TFAP2E: variants seen among roughly 807,000 people sequenced by gnomAD.
TFAP2E encodes transcription factor AP-2-epsilon.
Under a neutral mutation model 37.9 loss-of-function variants are expected in TFAP2E, and 30 were observed. The observed-to-expected ratio is 0.79, with a 90% CI of 0.59 to 1.07. The LOEUF is 1.07. TFAP2E is among the 50% of genes least tolerant of loss of function. The pLI is 0.00. For missense variants in TFAP2E, 567 were observed against 637.9 expected (o/e 0.89, Z 1.20); for synonymous variants, 318 against 295.8 (o/e 1.08, Z -0.77).
At position 35,594,747 on chromosome 1, in the gene TFAP2E, C is replaced by G; in HGVS notation, c.*71C>G. 2 of 1,593,452 alleles carry G rather than the reference C, an allele frequency of 1.3e-6. No individual in the cohort carries two copies. The highest frequency in any genetic ancestry group is 8.5e-7 in the Non-Finnish European group (1 of 1,173,384). Reference sequence around the variant, plus strand: ...AGGGACTTAGCTCTTGGGGGTGGGCCTGGAAGGACTGAAAGGTGGGATTAG... The same window carrying G: ...AGGGACTTAGCTCTTGGGGGTGGGCGTGGAAGGACTGAAAGGTGGGATTAG... On this transcript the variant is annotated 3_prime_UTR_variant, in exon 7 of 7. Transcript: ENST00000373235.
In TFAP2E at chr1:35,588,400, C is replaced by A. The variant is rs147848123; in HGVS notation, c.633C>A (p.Ile211=). ...SLAKDSLVGG[I]TNPGEVFCSV... ...CCAAAGACAGCCTGGTGGGCGGCAT[C>A]ACAAATCCTGGTGAGGTCTTCTGCT... Residue 211 remains isoleucine, a synonymous_variant, in exon 4 of 7, where the codon ATC becomes ATA. Coordinates refer to ENST00000373235, the MANE Select transcript of TFAP2E (RefSeq NM_178548.4). This position sits in a 1 kb window ranked among gnomAD's most constrained non-coding sequence, Gnocchi z 5.1. The A allele has an allele frequency of 3.1e-6, 5 of 1,613,244 alleles. No individual in the cohort carries two copies. The African/African-American group carries it at 6.7e-5, about 22-fold the overall frequency.
At chr1:35,589,188 C>CTGTGTGTGTG (rs757213879) in intron 4 of TFAP2E, among the ~76,000 whole-genome samples, 10 of 125,936 alleles carry the variant, frequency 7.9e-5, no homozygotes, top group East Asian at 2.3e-4. Context: ...GTGTCCTGCT[C>CTGTGTGTGTG]TGTGTGTGTG....
In TFAP2E at chr1:35,588,607, C is replaced by A; in HGVS notation, c.785+55C>A. 7 of 1,494,432 alleles carry A rather than the reference C, an allele frequency of 4.7e-6. No homozygotes were observed. Among genetic ancestry groups the A allele is most frequent in the Non-Finnish European group, 6.3e-6 (7 of 1,114,390 alleles). The allele number at this position is 1,494,432 out of a possible 1,614,324, so 92.6% of individuals were successfully genotyped here. ...TGATTGGATCCCTGGCCTCTTCAGG[C>A]CTTCTCAAGGCATCAGAGAGGAGGC... On this transcript the variant is annotated intron_variant, in intron 4 of 6. Coordinates refer to ENST00000373235, the MANE Select transcript of TFAP2E (RefSeq NM_178548.4). This position sits in a 1 kb window ranked among gnomAD's most constrained non-coding sequence, Gnocchi z 5.1.
chr1:35,579,120 G>T (rs534238032), intron 3 of TFAP2E, among the ~76,000 whole-genome samples: 2 of 146,646 alleles, frequency 1.4e-5, no homozygotes, highest in South Asian at 4.4e-4. Context: ...GAGGCCGGGC[G>T]GCGGTGGCTC....
Position 35,577,178 on chromosome 1 carries a change from G to A in TFAP2E, c.562+2178G>A. 2.8e-6 allele frequency: 1 copy of A among 354,016 alleles called. No homozygotes were observed. The highest frequency in any genetic ancestry group is 5.6e-6 in the Non-Finnish European group (1 of 177,776). The allele number at this position is 354,016 out of a possible 1,614,324, so 21.9% of individuals were successfully genotyped here. A position where few individuals can be genotyped will look rare whatever the true frequency, so the allele number is the denominator to read the frequency against. ...GCAAAGGGGAAGGGGCAGGAGCCGGGCACAGTTGGATCCGGAGGTCGTGAC... is the reference window on the plus strand; with the variant it reads ...GCAAAGGGGAAGGGGCAGGAGCCGGACACAGTTGGATCCGGAGGTCGTGAC... On this transcript the variant is annotated intron_variant, in intron 3 of 6. Transcript: ENST00000373235. The surrounding 1 kb of genome is among the most constrained non-coding windows in gnomAD (Gnocchi z 6.3).
chr1:35,579,660 G>A (rs903990262), intron 3 of TFAP2E, among the ~76,000 whole-genome samples: 2 of 152,030 alleles, frequency 1.3e-5, no homozygotes, highest in Admixed American at 6.5e-5. Context: ...CACCCAAAGT[G>A]CTGGGATTAC....
chr1:35,594,673 A>G lies in TFAP2E; in HGVS notation c.1326A>G (p.Lys442=), dbSNP rs2148556049. ...CGGAGAAGGATGCCAAGCATCGGAAATAACTGCTTCTCCCACCCCATCCCT... is the reference window on the plus strand; with the variant it reads ...CGGAGAAGGATGCCAAGCATCGGAAGTAACTGCTTCTCCCACCCCATCCCT... ...KASEKDAKHR[K] Residue 442 remains lysine, a synonymous_variant, in exon 7 of 7, where the codon AAA becomes AAG. Coordinates refer to ENST00000373235, the MANE Select transcript of TFAP2E (RefSeq NM_178548.4). The G allele has an allele frequency of 1.2e-6, 2 of 1,613,824 alleles. No individual in the cohort carries two copies. Among genetic ancestry groups the G allele is most frequent in the Non-Finnish European group, 1.7e-6 (2 of 1,180,040 alleles).
rs201429244 is a variant in TFAP2E at position 35,594,710 on chromosome 1, A to G, written c.*34A>G. On this transcript the variant is annotated 3_prime_UTR_variant, in exon 7 of 7. Transcript: ENST00000373235. ...CCCACCCCATCCCTAAGGGGCTCCC[A>G]GGCCCTGAAATAGGGACTTAGCTCT... 12 of 1,611,942 alleles carry G rather than the reference A, an allele frequency of 7.4e-6. No individual in the cohort carries two copies. The African/African-American group carries it at 1.6e-4, about 22-fold the overall frequency.
intron 3 of TFAP2E, among the ~76,000 whole-genome samples, chr1:35,578,759 C>T (rs993500368): frequency 1.3e-5 from 2 of 152,088 alleles, no homozygotes; most frequent in Non-Finnish European, 2.9e-5. Flanking sequence ...ATACTGACTT[C>T]TGGGACAGAA....
intron 3 of TFAP2E, among the ~76,000 whole-genome samples, chr1:35,587,100 A>G (rs899713884): frequency 6.6e-6 from 1 of 152,218 alleles, no homozygotes; most frequent in Admixed American, 6.5e-5. Flanking sequence ...GGGAGCACAC[A>G]GCAGTGAGTG....
chr1:35,581,772 A>G (rs552835707), intron 3 of TFAP2E, among the ~76,000 whole-genome samples: 35 of 151,952 alleles, frequency 2.3e-4, no homozygotes, highest in African/African-American at 8.0e-4. Flanking sequence ...GGGTTTCTCC[A>G]TGTTAGTCAG....
chr1:35,584,720 T>C (rs953884941), intron 3 of TFAP2E, among the ~76,000 whole-genome samples: 2 of 151,904 alleles, frequency 1.3e-5, no homozygotes, highest in African/African-American at 4.8e-5. Flanking sequence ...GTATTTTTTG[T>C]AGAGACAAGG....
chr1:35,573,895 G>T lies in TFAP2E; in HGVS notation c.28-32G>T. ...GGCTGGGGTCCTTTCAGCTGCCAGT[G>T]GGTCACCTAAGGCACCCCTCTCCTT... On this transcript the variant is annotated intron_variant, in intron 1 of 6. Transcript: ENST00000373235. This position sits in a 1 kb window ranked among gnomAD's most constrained non-coding sequence, Gnocchi z 5.9. The T allele has an allele frequency of 6.9e-7, 1 of 1,440,420 alleles. No individual in the cohort carries two copies. The highest frequency in any genetic ancestry group is 2.8e-5 in the Admixed American group (1 of 35,736). 89.2% of individuals were successfully genotyped at this position (1,440,420 alleles called of 1,614,324 possible).
chr1:35,587,925 G>A (rs541308187), intron 3 of TFAP2E, among the ~76,000 whole-genome samples: 5 of 152,198 alleles, frequency 3.3e-5, no homozygotes, highest in South Asian at 2.1e-4. Context: ...GAGGAAAAAC[G>A]TGGGAATCAC....
rs771496648 is a variant in TFAP2E, at chr1:35,588,586, T to C, written c.785+34T>C. 9 of 1,537,824 alleles carry C rather than the reference T, an allele frequency of 5.9e-6. No homozygotes were observed. The highest frequency in any genetic ancestry group is 1.8e-5 in the Admixed American group (1 of 55,324). ...GCCAGCCCACAATTCCCCGCCTGAT[T>C]GGATCCCTGGCCTCTTCAGGCCTTC... On this transcript the variant is annotated intron_variant, in intron 4 of 6. Transcript: ENST00000373235. The surrounding 1 kb of genome is among the most constrained non-coding windows in gnomAD (Gnocchi z 5.1).
Position 35,573,509 on chromosome 1 carries a change from G to A in TFAP2E, c.-69G>A. 3.5e-6 allele frequency: 5 copies of A among 1,440,414 alleles called. No homozygotes were observed. Among genetic ancestry groups the A allele is most frequent in the Non-Finnish European group, 4.5e-6 (5 of 1,099,906 alleles). The allele number at this position is 1,440,414 out of a possible 1,614,324, so 89.2% of individuals were successfully genotyped here. A position where few individuals can be genotyped will look rare whatever the true frequency, so the allele number is the denominator to read the frequency against. On this transcript the variant is annotated 5_prime_UTR_variant, in exon 1 of 7. Transcript: ENST00000373235. The surrounding 1 kb of genome is among the most constrained non-coding windows in gnomAD (Gnocchi z 5.9). ...GGCTGTGCCGGCTCCCGGCGCCTCT[G>A]CCCGCAGCGCTCGCCGTCGGGCTAG... is the stretch of plus-strand genomic sequence containing the variant.
Position 35,574,106 on chromosome 1 carries a change from G to T in TFAP2E, c.207G>T (p.Ala69=). ...AGCCACCGCTGCCCTACGGTCAGGC[G>T]CCCGACGCCGCCGCAGCCTTTCCCC... ...YPQPPLPYGQ[A]PDAAAAFPHL... The change falls in exon 2 of 7, where the codon GCG becomes GCT. Residue 69 remains alanine, a synonymous_variant. Coordinates refer to ENST00000373235, the MANE Select transcript of TFAP2E (RefSeq NM_178548.4). 1.4e-6 allele frequency: 2 copies of T among 1,463,438 alleles called. No individual in the cohort carries two copies. Among genetic ancestry groups the T allele is most frequent in the Non-Finnish European group, 1.8e-6 (2 of 1,110,082 alleles). 90.7% of individuals were successfully genotyped at this position (1,463,438 alleles called of 1,614,324 possible). A position where few individuals can be genotyped will look rare whatever the true frequency, so the allele number is the denominator to read the frequency against.
At chr1:35,594,352 A>C (rs1295971106) in intron 6 of TFAP2E, 42 bp from the exon 7 acceptor site, 1 of 1,595,224 alleles carries the variant, frequency 6.3e-7, no homozygotes, top group Non-Finnish European at 8.5e-7. Context: ...CTCTGGGCTC[A>C]GACTTTTGTC....
At chr1:35,575,877 G>A (rs934053412) in intron 3 of TFAP2E, among the ~76,000 whole-genome samples, 5 of 152,182 alleles carry the variant, frequency 3.3e-5, no homozygotes, top group African/African-American at 9.7e-5. Context: ...CCAGGGACAC[G>A]GGATCCACCT....
Sources: allele counts gnomAD v4.1 joint callset (sites outside exome capture counted in the v4.1 genomes callset), GRCh38; gene constraint gnomAD v4.1.1; non-coding constraint Gnocchi (gnomAD v3.1); transcripts MANE v1.5; gene names NCBI Gene and HGNC (gene_info 2026-07-23, HGNC 2026-07-21).